DAB1: variants seen among roughly 807,000 people sequenced by gnomAD.
The protein encoded by DAB1 is DAB adaptor protein 1.
A neutral mutation model predicts 64.6 loss-of-function variants in DAB1; 15 were observed. The ratio of observed to expected loss-of-function variants is 0.23; its 90% CI spans 0.16 to 0.36. The LOEUF is 0.36. DAB1 is among the 10% of genes least tolerant of loss of function. DAB1 has a pLI of 1.00. For missense variants in DAB1, 596 were observed against 706.7 expected (o/e 0.84, Z 1.78); for synonymous variants, 235 against 251.9 (o/e 0.93, Z 0.64).
At chr1:57,915,451 G>A (rs937446092) in intron 5 of DAB1, among the ~76,000 whole-genome samples, 2 of 152,064 alleles carry the variant, frequency 1.3e-5, no homozygotes, top group Non-Finnish European at 2.9e-5. Flanking sequence ...GTGGGACATG[G>A]GATGTGATCA....
chr1:58,296,222 A>AAAG (rs1209563991), intron 4 of DAB1, among the ~76,000 whole-genome samples: 1 of 150,970 alleles, frequency 6.6e-6, no homozygotes, highest in African/African-American at 2.4e-5. Context: ...AGAAAGAAAG[A>AAAG]AAGAAAGAAA....
rs759661844 is a variant in DAB1 at position 57,011,265 on chromosome 1, G to T, written c.1452C>A (p.Thr484=). The change falls in exon 13 of 15, where the codon ACC becomes ACA. Residue 484 remains threonine, a synonymous_variant. Coordinates refer to ENST00000371236, the MANE Select transcript of DAB1 (RefSeq NM_001365792.1). ...ATGGAGAGCTCTGTCTAGGGGCTGG[G>T]GTTGGAGCTACACAGAGACCACAGA... ...STTPSTNSPP[T]PAPRQSSPSK... The T allele has an allele frequency of 6.2e-7, 1 of 1,613,904 alleles. No homozygotes were observed. The highest frequency in any genetic ancestry group is 8.5e-7 in the Non-Finnish European group (1 of 1,179,842).
chr1:57,089,570 G>A (rs943822590), intron 4 of DAB1, among the ~76,000 whole-genome samples: 11 of 152,000 alleles, frequency 7.2e-5, no homozygotes, highest in African/African-American at 2.4e-4. Context: ...AGAGTGAGGT[G>A]GGGGTGAGGG....
chr1:58,300,610 AAGAGAGAGAGAGAG>A lies in DAB1; in HGVS notation n.309+42728_309+42741del, dbSNP rs770388855. Among the ~76,000 whole-genome samples, 109 of 47,018 alleles carry A rather than the reference AAGAGAGAGAGAGAG, an allele frequency of 2.3e-3. 3 individuals are homozygous for A. The highest frequency in any genetic ancestry group is 3.9e-3 in the South Asian group (5 of 1,278). 30.8% of individuals were successfully genotyped at this position (47,018 alleles called of 152,430 possible). Reference sequence around the variant, plus strand: ...AAAGAAAGAAAGAAAGAAAGAAAGAAAGAGAGAGAGAGAGAGAGAGAGAGAGAGAGAGAGAGAGG... The same window carrying A: ...AAAGAAAGAAAGAAAGAAAGAAAGAAAGAGAGAGAGAGAGAGAGAGAGAGG... On this transcript the variant is annotated intron_variant and non_coding_transcript_variant, in intron 4 of 20. Coordinates refer to the DAB1 transcript ENST00000485760.
In DAB1 at chr1:57,102,314, A is replaced by C. The variant is rs565890879; in HGVS notation, c.307-29900T>G. On this transcript the variant is annotated intron_variant, in intron 4 of 14. Transcript: ENST00000371236. ...ATATTCTTTCAGAAACAAAGTTCAC[A>C]TGATATTATGATGGCTTGAGATAAG... is the stretch of plus-strand genomic sequence containing the variant. 2.0e-5 allele frequency among the ~76,000 whole-genome samples: 3 copies of C among 152,338 alleles called. No homozygotes were observed. The South Asian group carries it at 6.2e-4, about 32-fold the overall frequency.
chr1:58,500,865 C>T (rs1485825840), intron 3 of DAB1, among the ~76,000 whole-genome samples: 3 of 152,070 alleles, frequency 2.0e-5, no homozygotes, highest in Non-Finnish European at 2.9e-5. Flanking sequence ...GCAGATTTCT[C>T]TTATTCACAT....
chr1:57,914,353 C>G (rs898040541), intron 5 of DAB1, among the ~76,000 whole-genome samples: 7 of 149,818 alleles, frequency 4.7e-5, no homozygotes, highest in Non-Finnish European at 8.9e-5. Flanking sequence ...GACAAAAAAC[C>G]AAACACCCCA....
intron 4 of DAB1, among the ~76,000 whole-genome samples, chr1:57,120,408 G>A (rs746421064): frequency 1.8e-4 from 27 of 152,222 alleles, no homozygotes; most frequent in East Asian, 3.9e-4. Flanking sequence ...ATCATAGGAA[G>A]GTATGCTGCC....
chr1:57,701,883 C>G (rs933957011), intron 6 of DAB1, among the ~76,000 whole-genome samples: 2 of 151,972 alleles, frequency 1.3e-5, no homozygotes, highest in African/African-American at 4.8e-5. Flanking sequence ...TTAAATTTCT[C>G]TGATAAATTT....
At chr1:57,464,793 A>C (rs895791830) in intron 7 of DAB1, among the ~76,000 whole-genome samples, 1 of 152,164 alleles carries the variant, frequency 6.6e-6, no homozygotes, top group Non-Finnish European at 1.5e-5. Flanking sequence ...AGGCAGGTTG[A>C]CATTTGTTGT....
At chr1:57,022,874 A>G (rs547185759) in intron 11 of DAB1, among the ~76,000 whole-genome samples, 4 of 152,396 alleles carry the variant, frequency 2.6e-5, no homozygotes, top group Admixed American at 1.3e-4. Flanking sequence ...GCCTCATGCC[A>G]TGGAAACAAG....
At chr1:57,117,617 T>C (rs1192700744) in intron 4 of DAB1, among the ~76,000 whole-genome samples, 1 of 152,230 alleles carries the variant, frequency 6.6e-6, no homozygotes, top group Non-Finnish European at 1.5e-5. Context: ...TGCAGTGCGG[T>C]ATATGTCATT....
At chr1:57,772,557 G>C (rs1649609698) in intron 6 of DAB1, among the ~76,000 whole-genome samples, 1 of 151,834 alleles carries the variant, frequency 6.6e-6, no homozygotes, top group Admixed American at 6.6e-5. Context: ...AGACTCGCTG[G>C]GATATAGGGT....
At chr1:57,442,241 A>C (rs1326968808) in intron 7 of DAB1, among the ~76,000 whole-genome samples, 2 of 152,214 alleles carry the variant, frequency 1.3e-5, no homozygotes, top group South Asian at 2.1e-4. Context: ...AATATTTGTA[A>C]AAGTGTCATA....
At chr1:57,136,663 T>G in intron 3 of DAB1, 22 bp from the exon 4 acceptor site, 1 of 1,475,346 alleles carries the variant, frequency 6.8e-7, no homozygotes, top group Non-Finnish European at 9.2e-7. Flanking sequence ...AAGAACATGG[T>G]TTTTACTTAA....
chr1:58,155,489 C>A (rs1655173753), intron 4 of DAB1, among the ~76,000 whole-genome samples: 1 of 152,144 alleles, frequency 6.6e-6, no homozygotes, highest in Non-Finnish European at 1.5e-5. Context: ...GGAAGCAAAC[C>A]AGGAGCAAGT....
At chr1:58,485,067 A>G (rs1047785677) in intron 3 of DAB1, among the ~76,000 whole-genome samples, 39 of 152,014 alleles carry the variant, frequency 2.6e-4, no homozygotes, top group Admixed American at 2.6e-3. Context: ...ATGGGTCAAC[A>G]TAGGTTCATC....
At chr1:57,727,745 C>CTTCCTTCCTTCCTTCCTTCCTTCCTTCA (rs1222896798) in intron 6 of DAB1, among the ~76,000 whole-genome samples, 1 of 151,504 alleles carries the variant, frequency 6.6e-6, no homozygotes, top group Non-Finnish European at 1.5e-5. Flanking sequence ...TCCTTCCTTC[C>CTTCCTTCCTTCCTTCCTTCCTTCCTTCA]TTCCTTCCTT....
At chr1:58,313,543 A>C (rs569221944) in intron 4 of DAB1, among the ~76,000 whole-genome samples, 5 of 152,294 alleles carry the variant, frequency 3.3e-5, no homozygotes, top group African/African-American at 1.2e-4. Flanking sequence ...AGGATAAGAC[A>C]TTCATTTACT....
Sources: allele counts gnomAD v4.1 joint callset (sites outside exome capture counted in the v4.1 genomes callset), GRCh38; gene constraint gnomAD v4.1.1; transcripts MANE v1.5; gene names NCBI Gene and HGNC (gene_info 2026-07-23, HGNC 2026-07-21).